CHN2: variants seen among roughly 807,000 people sequenced by gnomAD.
CHN2 encodes chimerin 2, also known as beta-chimaerin.
A neutral mutation model predicts 56.3 loss-of-function variants in CHN2; 35 were observed. That is an observed-to-expected ratio of 0.62 (90% CI 0.47 to 0.82). The LOEUF is 0.82. CHN2 is among the 40% of genes least tolerant of loss of function. CHN2 has a pLI of 0.00. For missense variants in CHN2, 491 were observed against 580.5 expected (o/e 0.85, Z 1.58); for synonymous variants, 210 against 212.8 (o/e 0.99, Z 0.12).
At chr7:29,273,085 C>T (rs1006904669) in intron 1 of CHN2, among the ~76,000 whole-genome samples, 31 of 151,884 alleles carry the variant, frequency 2.0e-4, no homozygotes, top group Non-Finnish European at 4.1e-4. Context: ...GTTTTGTATC[C>T]TTTGACCTAC....
intron 6 of CHN2, among the ~76,000 whole-genome samples, chr7:29,401,887 C>G (rs562766089): frequency 6.6e-6 from 1 of 152,288 alleles, no homozygotes; most frequent in East Asian, 1.9e-4. Context: ...TCTGCTTTGC[C>G]TGGTCCTATC....
chr7:29,238,355 T>A (rs1462428328), intron 1 of CHN2, among the ~76,000 whole-genome samples: 2 of 152,184 alleles, frequency 1.3e-5, no homozygotes. Flanking sequence ...TCGGGTCTGT[T>A]ATGTGTATTA....
intron 6 of CHN2, among the ~76,000 whole-genome samples, chr7:29,468,140 G>GCCCCCCCCCCC (rs67134171): frequency 1.7e-5 from 1 of 57,582 alleles, no homozygotes; most frequent in African/African-American, 6.0e-5. Flanking sequence ...AAACGGACCC[G>GCCCCCCCCCCC]CCCCCCCCCC....
intron 1 of CHN2, among the ~76,000 whole-genome samples, chr7:29,265,401 C>G (rs1247528380): frequency 6.6e-6 from 1 of 152,228 alleles, no homozygotes; most frequent in Non-Finnish European, 1.5e-5. Flanking sequence ...CAAACCCACT[C>G]TCTTGAAACC....
chr7:29,236,072 C>G (rs530580107), intron 1 of CHN2, among the ~76,000 whole-genome samples: 15 of 152,228 alleles, frequency 9.9e-5, no homozygotes, highest in African/African-American at 3.6e-4. Context: ...AAGCAGATAC[C>G]CTCTGGAGGT....
intron 2 of CHN2, among the ~76,000 whole-genome samples, chr7:29,367,729 T>C (rs1044558825): frequency 6.6e-6 from 1 of 152,208 alleles, no homozygotes; most frequent in African/African-American, 2.4e-5. Flanking sequence ...AAATCAATTT[T>C]GCAAGTTTAT....
intron 6 of CHN2, among the ~76,000 whole-genome samples, chr7:29,454,281 T>C (rs1431305338): frequency 6.6e-6 from 1 of 152,160 alleles, no homozygotes; most frequent in East Asian, 1.9e-4. Context: ...TTTAGAGCAG[T>C]GTGTGGCACA....
At chr7:29,332,280 G>T (rs139115665) in intron 1 of CHN2, among the ~76,000 whole-genome samples, 1 of 152,074 alleles carries the variant, frequency 6.6e-6, no homozygotes, top group Non-Finnish European at 1.5e-5. Context: ...GAAAATGATC[G>T]TGCCTACCCT....
At chr7:29,452,147 A>G (rs951818362) in intron 6 of CHN2, among the ~76,000 whole-genome samples, 1 of 152,220 alleles carries the variant, frequency 6.6e-6, no homozygotes, top group Admixed American at 6.5e-5. Context: ...ATAGACCCCT[A>G]CAAATTATAT....
intron 2 of CHN2, among the ~76,000 whole-genome samples, chr7:29,367,498 C>G (rs1297423881): frequency 6.6e-6 from 1 of 152,226 alleles, no homozygotes; most frequent in Admixed American, 6.5e-5. Context: ...GAGAATCACA[C>G]TCCTCTTAAA....
intron 1 of CHN2, among the ~76,000 whole-genome samples, chr7:29,341,608 G>A (rs990343957): frequency 1.3e-5 from 2 of 151,828 alleles, no homozygotes; most frequent in Admixed American, 6.6e-5. Flanking sequence ...AGAGAAGGAT[G>A]GGAGGGAGAG....
At chr7:29,503,969 T>C (rs934141222) in intron 9 of CHN2, among the ~76,000 whole-genome samples, 13 of 152,196 alleles carry the variant, frequency 8.5e-5, no homozygotes, top group African/African-American at 3.1e-4. Flanking sequence ...ACAGAAACCA[T>C]GTCTTTTTTT....
At chr7:29,450,513 G>A (rs774382766) in intron 6 of CHN2, among the ~76,000 whole-genome samples, 14 of 152,188 alleles carry the variant, frequency 9.2e-5, no homozygotes, top group Non-Finnish European at 1.5e-4. Flanking sequence ...AGATCCTGGG[G>A]TGGTGCAGCC....
intron 1 of CHN2, among the ~76,000 whole-genome samples, chr7:29,351,505 C>T (rs142278531): frequency 1.3e-5 from 2 of 152,286 alleles, no homozygotes; most frequent in East Asian, 1.9e-4. Flanking sequence ...GAAAAATCAG[C>T]TCTCTGTGAG....
At chr7:29,353,524 G>A (rs527901399) in intron 1 of CHN2, among the ~76,000 whole-genome samples, 3 of 152,086 alleles carry the variant, frequency 2.0e-5, no homozygotes, top group East Asian at 1.9e-4. Context: ...GTGTGGTGGC[G>A]CACACCTGTA....
At chr7:29,350,768 A>G (rs1205180280) in intron 1 of CHN2, among the ~76,000 whole-genome samples, 2 of 152,184 alleles carry the variant, frequency 1.3e-5, no homozygotes, top group Non-Finnish European at 2.9e-5. Flanking sequence ...AGAACTTGCT[A>G]TTGACCGGAC....
At chr7:29,220,092 TAA>T (rs565400322) in intron 1 of CHN2, among the ~76,000 whole-genome samples, 1 of 149,196 alleles carries the variant, frequency 6.7e-6, no homozygotes, top group African/African-American at 2.5e-5. Context: ...TAAAAAAATT[TAA>T]AAAAAAAGGA....
chr7:29,157,433 T>G (rs946331248), intron 2 of CHN2, among the ~76,000 whole-genome samples: 9 of 129,174 alleles, frequency 7.0e-5, no homozygotes, highest in Admixed American at 4.3e-4. Context: ...GAAATGGCGT[T>G]ATCTCAGTCA....
chr7:29,379,813 A>G (rs1319894170), intron 3 of CHN2, among the ~76,000 whole-genome samples: 1 of 152,200 alleles, frequency 6.6e-6, no homozygotes, highest in Non-Finnish European at 1.5e-5. Flanking sequence ...CATGCTCAAG[A>G]ATTTTTAATG....
Sources: allele counts gnomAD v4.1 joint callset (sites outside exome capture counted in the v4.1 genomes callset), GRCh38; gene constraint gnomAD v4.1.1; transcripts MANE v1.5; gene names NCBI Gene and HGNC (gene_info 2026-07-23, HGNC 2026-07-21).